Variants in EML6 observed in about 807,000 individuals in gnomAD.
EML6 encodes EMAP like 6, also known as echinoderm microtubule-associated protein-like 6.
A neutral mutation model predicts 240.1 loss-of-function variants in EML6; 154 were observed. The observed-to-expected ratio is 0.64, with a 90% CI of 0.56 to 0.73. The LOEUF is 0.73. Among genes scored for constraint, EML6 ranks in the 30% least tolerant of loss-of-function variants. The pLI, the probability that EML6 is intolerant of heterozygous loss-of-function variation, is 0.00. For missense variants in EML6, 2,964 were observed against 2,474.6 expected (o/e 1.20, Z -4.20); for synonymous variants, 1,148 against 899.0 (o/e 1.28, Z -4.95).
chr2:54,852,239 A>C (rs907811411), intron 10 of EML6, among the ~76,000 whole-genome samples: 1 of 152,210 alleles, frequency 6.6e-6, no homozygotes, highest in African/African-American at 2.4e-5. Flanking sequence ...GATTCATCTG[A>C]CTTACATAAT....
Position 54,954,098 on chromosome 2 carries a change from C to T in EML6, c.4428C>T (p.Leu1476=), listed in dbSNP as rs199724432. 1.3e-6 allele frequency: 2 copies of T among 1,551,746 alleles called. No individual in the cohort carries two copies. The highest frequency in any genetic ancestry group is 1.2e-5 in the South Asian group (1 of 84,036). Residue 1476 remains leucine, a synonymous_variant, in exon 32 of 42, where the codon CTC becomes CTT. Transcript: ENST00000356458. ...NYINFSATGK[L]LVSVGVDPEH... is the part of the protein sequence containing the mutation. ...TCAACTTCAGTGCAACTGGAAAGCT[C>T]CTGGTGTCGGTGGGAGTGGACCCTG...
Position 54,883,683 on chromosome 2 carries a change from A to AC in EML6, c.2438+4044dup, listed in dbSNP as rs1344587789. 2.6e-5 allele frequency among the ~76,000 whole-genome samples: 4 copies of AC among 152,310 alleles called. No individual in the cohort carries two copies. The East Asian group carries it at 7.7e-4, about 29-fold the overall frequency. ...TCTTATTCTCGCCATCTAAGATCTG[A>AC]CAAACTCTTTGTATTTTGTTTTGCT... On this transcript the variant is annotated intron_variant, in intron 17 of 41. Transcript: ENST00000356458.
chr2:54,937,861 ATC>A (rs986724487), intron 28 of EML6, among the ~76,000 whole-genome samples: 1 of 152,192 alleles, frequency 6.6e-6, no homozygotes, highest in Non-Finnish European at 1.5e-5. Flanking sequence ...TCATTATGGA[ATC>A]TCTGACTTCT....
In EML6 at chr2:54,895,349, T is replaced by G; in HGVS notation, c.2931T>G (p.Asn977Lys). ...GACATATCCTGGTGGGAACAAAAAA[T>G]GGAGAGATTCTGGAAATTGATAAGA... ...GHGHILVGTK[N>K]GEILEIDKSG... The change falls in exon 21 of 42, where the codon AAT becomes AAG. Residue 977 changes from asparagine to lysine, a missense_variant. Physicochemically the swap from Asn to Lys is moderately conservative, Grantham distance 94. Coordinates refer to ENST00000356458, the MANE Select transcript of EML6 (RefSeq NM_001039753.4). 6.4e-7 allele frequency: 1 copy of G among 1,552,012 alleles called. No homozygotes were observed. Among genetic ancestry groups the G allele is most frequent in the Non-Finnish European group, 8.7e-7 (1 of 1,146,982 alleles).
chr2:54,952,959 T>C (rs1676055425), intron 31 of EML6, among the ~76,000 whole-genome samples: 1 of 152,156 alleles, frequency 6.6e-6, no homozygotes, highest in African/African-American at 2.4e-5. Flanking sequence ...AGAATAGTTT[T>C]TCAGACCCCA....
In EML6 at chr2:54,894,878, G is replaced by A. The variant is rs765472932; in HGVS notation, c.2743-37G>A. ...GGCCAAGTGGGTAATTGGTCATTTT[G>A]ATGTGTATATAATACCTCTCATGTG... On this transcript the variant is annotated intron_variant, in intron 19 of 41. Coordinates refer to ENST00000356458, the MANE Select transcript of EML6 (RefSeq NM_001039753.4). 3.5e-6 allele frequency: 5 copies of A among 1,433,766 alleles called. No homozygotes were observed. The African/African-American group carries it at 4.2e-5, about 12-fold the overall frequency. 88.8% of individuals were successfully genotyped at this position (1,433,766 alleles called of 1,614,324 possible).
At chr2:54,864,294 G>T (rs1211594627) in intron 13 of EML6, among the ~76,000 whole-genome samples, 2 of 152,154 alleles carry the variant, frequency 1.3e-5, no homozygotes, top group African/African-American at 4.8e-5. Context: ...ATGTGAGCTT[G>T]TTAGCCCGGT....
chr2:54,940,021 A>T (rs991332848), intron 28 of EML6, among the ~76,000 whole-genome samples: 1 of 152,236 alleles, frequency 6.6e-6, no homozygotes, highest in African/African-American at 2.4e-5. Flanking sequence ...GAATATATTC[A>T]CTGTCAATCT....
intron 28 of EML6, among the ~76,000 whole-genome samples, chr2:54,929,440 T>A (rs1239371032): frequency 1.3e-5 from 2 of 152,250 alleles, no homozygotes. Context: ...TTTATCATAT[T>A]CATGCTAAGA....
chr2:54,943,654 T>C (rs1371856982), intron 28 of EML6, among the ~76,000 whole-genome samples: 1 of 152,200 alleles, frequency 6.6e-6, no homozygotes, highest in Non-Finnish European at 1.5e-5. Context: ...TAAGAGAACT[T>C]GTTTCTTCTA....
intron 19 of EML6, among the ~76,000 whole-genome samples, chr2:54,893,552 A>G (rs866130631): frequency 2.2e-4 from 33 of 152,196 alleles, no homozygotes; most frequent in African/African-American, 8.0e-4. Context: ...AAATTTCAAC[A>G]TGAGTTTTGG....
intron 25 of EML6, among the ~76,000 whole-genome samples, chr2:54,913,457 T>G (rs1051776963): frequency 1.4e-4 from 22 of 152,310 alleles, no homozygotes; most frequent in Middle Eastern, 3.4e-3. Context: ...TTTGCCATGT[T>G]GCTCAGGCTG....
chr2:54,949,323 C>G (rs1234660849), intron 29 of EML6, among the ~76,000 whole-genome samples: 2 of 152,218 alleles, frequency 1.3e-5, no homozygotes, highest in Non-Finnish European at 2.9e-5. Flanking sequence ...TTCACCGTCT[C>G]TAATGTTGCC....
chr2:54,941,202 C>G (rs1675411004), intron 28 of EML6, among the ~76,000 whole-genome samples: 1 of 152,132 alleles, frequency 6.6e-6, no homozygotes, highest in Admixed American at 6.6e-5. Flanking sequence ...GTATAGTGGT[C>G]AAATTGGTAT....
At chr2:54,837,935 A>T (rs1330662540) in intron 7 of EML6, among the ~76,000 whole-genome samples, 3 of 152,156 alleles carry the variant, frequency 2.0e-5, no homozygotes, top group Admixed American at 1.3e-4. Flanking sequence ...GGTTTTAAGA[A>T]CACTATTAAA....
At chr2:54,910,881 C>T in intron 24 of EML6, 73 bp from the exon 25 acceptor site, 1 of 708,788 alleles carries the variant, frequency 1.4e-6, no homozygotes, top group Non-Finnish European at 2.4e-6. Context: ...AAATAGCACC[C>T]ATGCTTCTCA....
chr2:54,901,337 G>A (rs1246547492), intron 22 of EML6, among the ~76,000 whole-genome samples: 2 of 152,176 alleles, frequency 1.3e-5, no homozygotes, highest in African/African-American at 4.8e-5. Flanking sequence ...TTGGTAAATG[G>A]TGGAGGCAGG....
At chr2:54,860,130 A>AC (rs1670598495) in intron 12 of EML6, among the ~76,000 whole-genome samples, 1 of 152,252 alleles carries the variant, frequency 6.6e-6, no homozygotes, top group Admixed American at 6.5e-5. Context: ...CAGGAACCCT[A>AC]CCCTGCGCAC....
intron 13 of EML6, among the ~76,000 whole-genome samples, chr2:54,864,730 C>T (rs1345987871): frequency 2.0e-5 from 3 of 152,230 alleles, no homozygotes; most frequent in Admixed American, 6.5e-5. Flanking sequence ...CCCATGTCCA[C>T]GTTGCTTGTC....
Sources: gnomAD v4.1 joint callset for allele counts (sites outside exome capture counted in the v4.1 genomes callset) on GRCh38, gnomAD v4.1.1 for gene constraint, MANE v1.5 for transcripts, NCBI Gene and HGNC (gene_info 2026-07-23, HGNC 2026-07-21) for gene names.